ADRA1B: variants seen among roughly 807,000 people sequenced by gnomAD.
ADRA1B encodes the protein alpha-1B adrenergic receptor.
Under a neutral mutation model 17.9 loss-of-function variants are expected in ADRA1B, and 17 were observed. That is an observed-to-expected ratio of 0.95 (90% CI 0.65 to 1.42). The LOEUF is 1.42. Among genes scored for constraint, ADRA1B ranks in the 40% most tolerant of loss-of-function variants. The pLI is 0.00. For missense variants in ADRA1B, 681 were observed against 722.1 expected (o/e 0.94, Z 0.65); for synonymous variants, 366 against 327.6 (o/e 1.12, Z -1.27).
chr5:159,870,763 C>T (rs1156846537), intron 1 of ADRA1B: 2 of 152,110 alleles, frequency 1.3e-5, no homozygotes, highest in Non-Finnish European at 2.9e-5. Context: ...AAAATCAATG[C>T]ATAAAGCCAA....
chr5:159,940,493 A>G (rs147812692), intron 1 of ADRA1B, among the ~76,000 whole-genome samples: 2 of 151,858 alleles, frequency 1.3e-5, no homozygotes, highest in African/African-American at 4.8e-5. Context: ...ACTGCCCCCA[A>G]CCCTGCTCCT....
At chr5:159,882,403 G>A (rs1753873277) in intron 1 of ADRA1B, among the ~76,000 whole-genome samples, 1 of 152,180 alleles carries the variant, frequency 6.6e-6, no homozygotes, top group Non-Finnish European at 1.5e-5. Context: ...TATATGTCGG[G>A]TTGTTATGTA....
intron 1 of ADRA1B, among the ~76,000 whole-genome samples, chr5:159,937,439 GTTTTT>G (rs1180552713): frequency 7.3e-6 from 1 of 136,954 alleles, no homozygotes; most frequent in East Asian, 2.3e-4. Flanking sequence ...CCTCTCTTTT[GTTTTT>G]TTGTTTTTTT....
chr5:159,971,980 TC>T lies in ADRA1B; in HGVS notation c.1053del (p.Ser352AlafsTer63). On this transcript the variant is annotated frameshift_variant, in exon 2 of 2. Coordinates refer to ENST00000306675, the MANE Select transcript of ADRA1B (RefSeq NM_000679.4). LOFTEE classifies it low-confidence loss of function (END_TRUNC). The stretch of plus-strand genomic sequence containing the variant: ...CCTCAACCCCATCATCTACCCATGC[TC>T]CAGCAAGGAGTTCAAGCGCGCTTTC... ...SCLNPIIYPC[S>X]SKEFKRAFVR... 1 of 1,456,640 alleles carries T rather than the reference TC, an allele frequency of 6.9e-7. No individual in the cohort carries two copies. The highest frequency in any genetic ancestry group is 9.1e-7 in the Non-Finnish European group (1 of 1,095,152). 90.2% of individuals were successfully genotyped at this position (1,456,640 alleles called of 1,614,324 possible).
intron 1 of ADRA1B, among the ~76,000 whole-genome samples, chr5:159,938,949 AG>A (rs1026020701): frequency 6.6e-6 from 1 of 152,214 alleles, no homozygotes. Context: ...CAAAAGTCAC[AG>A]TATGTGGCCA....
chr5:159,902,203 C>A (rs1030646438), intron 1 of ADRA1B, among the ~76,000 whole-genome samples: 9 of 152,074 alleles, frequency 5.9e-5, no homozygotes, highest in African/African-American at 1.9e-4. Flanking sequence ...CATGGATGAA[C>A]CTTGAGGACA....
In ADRA1B at chr5:159,916,810, C is replaced by G; in HGVS notation, c.-96C>G. 7.7e-7 allele frequency: 1 copy of G among 1,297,538 alleles called. No homozygotes were observed. Among genetic ancestry groups the G allele is most frequent in the Non-Finnish European group, 1.1e-6 (1 of 948,034 alleles). The allele number at this position is 1,297,538 out of a possible 1,614,324, so 80.4% of individuals were successfully genotyped here. A position where few individuals can be genotyped will look rare whatever the true frequency, so the allele number is the denominator to read the frequency against. On this transcript the variant is annotated 5_prime_UTR_variant, in exon 1 of 2. Coordinates refer to ENST00000306675, the MANE Select transcript of ADRA1B (RefSeq NM_000679.4). ...CAGGAGGGCGCCTCTGGGAAGAAGA[C>G]CACGGGGGAAGCAAAGTTTCAGGGC...
chr5:159,907,024 C>G (rs777796486), intron 1 of ADRA1B, among the ~76,000 whole-genome samples: 1 of 152,190 alleles, frequency 6.6e-6, no homozygotes, highest in African/African-American at 2.4e-5. Flanking sequence ...GAATGGCCAG[C>G]CTCCAGTGAG....
At chr5:159,877,549 C>A (rs1753816990) in intron 1 of ADRA1B, among the ~76,000 whole-genome samples, 1 of 152,150 alleles carries the variant, frequency 6.6e-6, no homozygotes, top group Admixed American at 6.5e-5. Context: ...TCATTGGGTC[C>A]TTCTGATGAC....
chr5:159,965,315 G>A (rs1402472142), intron 1 of ADRA1B, among the ~76,000 whole-genome samples: 1 of 152,138 alleles, frequency 6.6e-6, no homozygotes, highest in Non-Finnish European at 1.5e-5. Context: ...CATGAGCAAG[G>A]GAAGCGGAGG....
intron 1 of ADRA1B, among the ~76,000 whole-genome samples, chr5:159,959,264 C>A (rs1358819634): frequency 2.0e-5 from 3 of 152,130 alleles, no homozygotes; most frequent in African/African-American, 7.2e-5. Flanking sequence ...TGGGTGTTGG[C>A]ACATGAATGT....
chr5:159,891,400 G>T (rs1351303886), intron 1 of ADRA1B, among the ~76,000 whole-genome samples: 1 of 152,130 alleles, frequency 6.6e-6, no homozygotes, highest in Non-Finnish European at 1.5e-5. Context: ...CAATGCCATT[G>T]GTTAAGACCC....
intron 1 of ADRA1B, chr5:159,948,339 G>T: frequency 1.0e-6 from 1 of 985,284 alleles, no homozygotes; most frequent in Non-Finnish European, 1.2e-6. Flanking sequence ...TGAGTTTCCT[G>T]GTATCTCAAC....
intron 1 of ADRA1B, among the ~76,000 whole-genome samples, chr5:159,887,875 GT>G (rs67056043): frequency 0.087 from 13,222 of 152,182 alleles, 673 homozygotes; most frequent in African/African-American, 0.13. Flanking sequence ...GCTAACAAGG[GT>G]TTGGGGATGA....
intron 1 of ADRA1B, among the ~76,000 whole-genome samples, chr5:159,903,253 C>A (rs1754123209): frequency 6.6e-6 from 1 of 152,178 alleles, no homozygotes; most frequent in Non-Finnish European, 1.5e-5. Context: ...AATGACTGCA[C>A]CAGGAATCAG....
At chr5:159,898,052 C>G (rs1754057258) in intron 1 of ADRA1B, among the ~76,000 whole-genome samples, 1 of 152,228 alleles carries the variant, frequency 6.6e-6, no homozygotes, top group Admixed American at 6.5e-5. Context: ...CTCTCCTCAC[C>G]CTGCCCAGCC....
chr5:159,923,685 G>T (rs953355192), intron 1 of ADRA1B, among the ~76,000 whole-genome samples: 1 of 152,248 alleles, frequency 6.6e-6, no homozygotes, highest in African/African-American at 2.4e-5. Flanking sequence ...AAAAGCCAGG[G>T]GCTGTGAGCA....
chr5:159,919,346 T>G (rs1754414547), intron 1 of ADRA1B, among the ~76,000 whole-genome samples: 1 of 152,194 alleles, frequency 6.6e-6, no homozygotes, highest in Admixed American at 6.5e-5. Context: ...TGGATGACAG[T>G]TCACACTGCA....
intron 1 of ADRA1B, 136 bp from the exon 2 acceptor site, chr5:159,971,743 G>A (rs1170936935): frequency 4.5e-6 from 4 of 895,442 alleles, no homozygotes; most frequent in African/African-American, 1.7e-5. Flanking sequence ...CCGGGCAGAG[G>A]AACCGGCTCG....
Sources: gnomAD v4.1 joint callset for allele counts (sites outside exome capture counted in the v4.1 genomes callset) on GRCh38, gnomAD v4.1.1 for gene constraint, MANE v1.5 for transcripts, NCBI Gene and HGNC (gene_info 2026-07-23, HGNC 2026-07-21) for gene names.